Variants in EFNA5 observed in about 807,000 individuals in gnomAD.
EFNA5 encodes ephrin A5, also known as ephrin-A5.
EFNA5 carries 5 observed loss-of-function variants against 22.9 expected under a neutral mutation model. That is an observed-to-expected ratio of 0.22 (90% CI 0.11 to 0.46). The LOEUF is 0.46. Ranked by LOEUF, EFNA5 falls within the 20% of genes least tolerant of loss-of-function variation. EFNA5 has a pLI of 0.99. For synonymous variants in EFNA5, 113 were observed against 112.2 expected (o/e 1.01, Z -0.04); for missense variants, 237 against 293.3 (o/e 0.81, Z 1.40).
chr5:107,557,171 G>C (rs986579861), intron 1 of EFNA5, among the ~76,000 whole-genome samples: 1 of 152,162 alleles, frequency 6.6e-6, no homozygotes, highest in African/African-American at 2.4e-5. Context: ...ACAGGGCACA[G>C]ATCGTATCTG....
intron 1 of EFNA5, among the ~76,000 whole-genome samples, chr5:107,478,833 A>T (rs1750379281): frequency 6.6e-6 from 1 of 152,148 alleles, no homozygotes; most frequent in Admixed American, 6.5e-5. Context: ...ATATTTCATT[A>T]GTCTGCTTAC....
At chr5:107,573,108 A>C (rs192444104) in intron 1 of EFNA5, among the ~76,000 whole-genome samples, 1 of 152,292 alleles carries the variant, frequency 6.6e-6, no homozygotes, top group Admixed American at 6.5e-5. Flanking sequence ...GAGTATCTTT[A>C]GTTCACATTA....
intron 1 of EFNA5, among the ~76,000 whole-genome samples, chr5:107,428,785 T>C (rs2112422667): frequency 6.6e-6 from 1 of 152,332 alleles, no homozygotes; most frequent in Non-Finnish European, 1.5e-5. Context: ...TGGACATCTC[T>C]AGATGTTGGA....
In EFNA5 at chr5:107,556,789, TA is replaced by T. The variant is rs1363377655; in HGVS notation, c.125+113699del. 1.9e-3 allele frequency among the ~76,000 whole-genome samples: 137 copies of T among 70,584 alleles called. 5 individuals carry two copies. Among genetic ancestry groups the T allele is most frequent in the Middle Eastern group, 9.1e-3 (1 of 110 alleles). The allele number at this position is 70,584 out of a possible 152,430, so 46.3% of individuals were successfully genotyped here. A position where few individuals can be genotyped will look rare whatever the true frequency, so the allele number is the denominator to read the frequency against. On this transcript the variant is annotated intron_variant, in intron 1 of 4. Transcript: ENST00000333274. ...ATAAATAAATAAATAAATAAATAAA[TA>T]AAATAAAATAAATAACTATCTCAAA...
chr5:107,597,442 A>G (rs542366343), intron 1 of EFNA5, among the ~76,000 whole-genome samples: 11 of 152,328 alleles, frequency 7.2e-5, no homozygotes, highest in Middle Eastern at 3.4e-3. Context: ...CCATCACCAC[A>G]AAAACATCAT....
intron 1 of EFNA5, among the ~76,000 whole-genome samples, chr5:107,526,577 T>G (rs1747699397): frequency 6.6e-6 from 1 of 152,248 alleles, no homozygotes; most frequent in Non-Finnish European, 1.5e-5. Context: ...ATATGTGCTT[T>G]TCTATTCAGT....
intron 1 of EFNA5, among the ~76,000 whole-genome samples, chr5:107,667,784 A>G (rs997953466): frequency 2.6e-5 from 4 of 152,196 alleles, no homozygotes; most frequent in Admixed American, 1.3e-4. Flanking sequence ...GGTTCTATAT[A>G]AAGACACAAA....
rs1747932635 is a variant in EFNA5, at chr5:107,536,566, T to C, written c.126-109057A>G. ...ACATAGGATACTGTTTATAATCTTA[T>C]TTCTAAAGGATGGTCAACATACCAC... On this transcript the variant is annotated intron_variant, in intron 1 of 4. Transcript: ENST00000333274. 2.0e-5 allele frequency among the ~76,000 whole-genome samples: 3 copies of C among 152,326 alleles called. No individual in the cohort carries two copies. The South Asian group carries it at 6.2e-4, about 32-fold the overall frequency.
At chr5:107,572,102 A>G (rs138901705) in intron 1 of EFNA5, among the ~76,000 whole-genome samples, 221 of 152,208 alleles carry the variant, frequency 1.5e-3, no homozygotes, top group Non-Finnish European at 2.2e-3. Context: ...ATCTTGAGCC[A>G]AATTGACTAA....
chr5:107,594,528 A>C lies in EFNA5; in HGVS notation c.125+75961T>G, dbSNP rs559049119. ...CTATCCACAAGCCAAACCCTTACAC[A>C]TAAGCTCAGAGATTCAACTTTTTTC... On this transcript the variant is annotated intron_variant, in intron 1 of 4. Coordinates refer to ENST00000333274, the MANE Select transcript of EFNA5 (RefSeq NM_001962.3). Among the ~76,000 whole-genome samples, 134 of 152,332 alleles carry C rather than the reference A, an allele frequency of 8.8e-4. 3 individuals carry two copies. In the South Asian group the frequency reaches 0.027, roughly 31 times the overall value.
chr5:107,494,263 G>C (rs1220538499), intron 1 of EFNA5, among the ~76,000 whole-genome samples: 1 of 151,120 alleles, frequency 6.6e-6, no homozygotes, highest in African/African-American at 2.5e-5. Flanking sequence ...GGCGTGAGCT[G>C]CGGGCGGCTG....
At chr5:107,420,380 A>G (rs749636806) in intron 2 of EFNA5, among the ~76,000 whole-genome samples, 1 of 152,082 alleles carries the variant, frequency 6.6e-6, no homozygotes, top group Admixed American at 6.6e-5. Flanking sequence ...ATCAGAAAAG[A>G]GTTGTGATTA....
At chr5:107,441,477 C>T (rs950060116) in intron 1 of EFNA5, among the ~76,000 whole-genome samples, 2 of 152,150 alleles carry the variant, frequency 1.3e-5, no homozygotes, top group East Asian at 1.9e-4. Context: ...GCTGGAATTG[C>T]ATTTCCCACC....
Position 107,387,735 on chromosome 5 carries a change from A to C in EFNA5, c.455T>G (p.Leu152Arg). 1 of 1,613,462 alleles carries C rather than the reference A, an allele frequency of 6.2e-7. No homozygotes were observed. ...TGGTCTCACAAAGACTTTGAGCTTT[A>C]GACAGGACCTTCTTCCATTATCTGG... is the stretch of plus-strand genomic sequence containing the variant. ...AIPDNGRRSCLKLKVFVRPTN... is the reference protein window; with the variant it reads ...AIPDNGRRSCRKLKVFVRPTN... The change falls in exon 3 of 5, where the codon CTA (leucine) becomes CGA (arginine). Residue 152 changes from leucine to arginine, a missense_variant. Around this residue, in one of 3 missense-constraint regions of EFNA5, gnomAD observed 104 missense variants for 114.5 expected, o/e 0.91. Coordinates refer to ENST00000333274, the MANE Select transcript of EFNA5 (RefSeq NM_001962.3).
intron 1 of EFNA5, among the ~76,000 whole-genome samples, chr5:107,613,807 G>A (rs898954550): frequency 6.6e-6 from 1 of 152,024 alleles, no homozygotes; most frequent in African/African-American, 2.4e-5. Context: ...AGTTCTAACA[G>A]CTCTTCATTT....
intron 1 of EFNA5, among the ~76,000 whole-genome samples, chr5:107,657,305 T>C (rs912411231): frequency 1.3e-5 from 2 of 152,144 alleles, no homozygotes; most frequent in Non-Finnish European, 2.9e-5. Context: ...TTGAAGCATA[T>C]AGCATAGTTC....
intron 2 of EFNA5, among the ~76,000 whole-genome samples, chr5:107,406,181 G>A (rs557741080): frequency 6.9e-6 from 1 of 145,112 alleles, no homozygotes; most frequent in Admixed American, 7.0e-5. Flanking sequence ...TATATACATA[G>A]AATGTATACA....
chr5:107,460,836 C>A (rs1749818493), intron 1 of EFNA5, among the ~76,000 whole-genome samples: 1 of 152,150 alleles, frequency 6.6e-6, no homozygotes. Flanking sequence ...AGGAATATGC[C>A]TATGTCATTA....
intron 1 of EFNA5, among the ~76,000 whole-genome samples, chr5:107,456,202 T>C (rs1749695888): frequency 1.3e-5 from 2 of 152,096 alleles, no homozygotes; most frequent in Admixed American, 1.3e-4. Flanking sequence ...TGTCCATATA[T>C]ATCAATCTAA....
Sources: gnomAD v4.1 joint callset for allele counts (sites outside exome capture counted in the v4.1 genomes callset) on GRCh38, gnomAD v4.1.1 for gene constraint, gnomAD v4.1.1 regional missense constraint, MANE v1.5 for transcripts, NCBI Gene and HGNC (gene_info 2026-07-23, HGNC 2026-07-21) for gene names.